Variants in DAB1 observed in about 807,000 individuals in gnomAD.
The protein encoded by DAB1 is disabled homolog 1.
A neutral mutation model predicts 64.6 loss-of-function variants in DAB1; 15 were observed. The observed-to-expected ratio is 0.23, with a 90% CI of 0.16 to 0.36. The LOEUF (loss-of-function observed/expected upper bound fraction) is 0.36, where lower values mean the gene tolerates loss of function less well. DAB1 is among the 10% of genes least tolerant of loss of function. The probability of loss-of-function intolerance (pLI) is 1.00; values close to 1 mark genes in which losing one functional copy is unlikely to be tolerated. For synonymous variants in DAB1, 235 were observed against 251.9 expected (o/e 0.93, Z 0.64); for missense variants, 596 against 706.7 (o/e 0.84, Z 1.78).
downstream of DAB1, among the ~76,000 whole-genome samples, chr1:57,822,328 A>G (rs1398644482): frequency 6.6e-6 from 1 of 152,158 alleles, no homozygotes; most frequent in Non-Finnish European, 1.5e-5. Context: ...GGGCAGGTAG[A>G]TAACTTTAAA....
intron 5 of DAB1, among the ~76,000 whole-genome samples, chr1:58,060,581 T>G (rs1200394650): frequency 6.6e-6 from 1 of 152,148 alleles, no homozygotes; most frequent in Non-Finnish European, 1.5e-5. Context: ...GAGATCTTTT[T>G]TTTACCTGAC....
chr1:58,171,583 A>G (rs954154377), intron 4 of DAB1, among the ~76,000 whole-genome samples: 16 of 152,328 alleles, frequency 1.1e-4, no homozygotes, highest in African/African-American at 3.6e-4. Context: ...AGGATGCCTT[A>G]TTCTGTATTC....
intron 5 of DAB1, among the ~76,000 whole-genome samples, chr1:57,914,705 A>T (rs1188206742): frequency 6.6e-6 from 1 of 152,244 alleles, no homozygotes; most frequent in East Asian, 1.9e-4. Flanking sequence ...GTTTATACTT[A>T]ATGAATGACT....
intron 4 of DAB1, among the ~76,000 whole-genome samples, chr1:58,201,251 C>A (rs1037519810): frequency 6.6e-6 from 1 of 152,086 alleles, no homozygotes; most frequent in Admixed American, 6.5e-5. Flanking sequence ...CTCCTGACCT[C>A]GTGATCTGCC....
At chr1:57,277,271 G>A (rs182772755) in intron 2 of DAB1, among the ~76,000 whole-genome samples, 4 of 152,120 alleles carry the variant, frequency 2.6e-5, no homozygotes, top group African/African-American at 9.6e-5. Flanking sequence ...TTCTAGCTGT[G>A]GGCAGGATAC....
intron 9 of DAB1, among the ~76,000 whole-genome samples, chr1:57,042,495 C>T (rs192315717): frequency 2.0e-5 from 3 of 152,188 alleles, no homozygotes; most frequent in African/African-American, 7.2e-5. Flanking sequence ...GATGACTACC[C>T]TTGGCATCAC....
intron 5 of DAB1, among the ~76,000 whole-genome samples, chr1:58,055,141 A>G (rs74076033): frequency 0.056 from 8,516 of 152,298 alleles, 796 homozygotes; most frequent in African/African-American, 0.2. Context: ...CATGTGGGAC[A>G]GCCAGGATTT....
At chr1:58,427,776 G>C (rs966506068) in intron 3 of DAB1, among the ~76,000 whole-genome samples, 40 of 152,056 alleles carry the variant, frequency 2.6e-4, no homozygotes, top group African/African-American at 9.7e-4. Context: ...TGTTAGATAG[G>C]GAGTTGGTCA....
At chr1:58,044,131 A>G (rs1260495044) in intron 5 of DAB1, among the ~76,000 whole-genome samples, 1 of 152,200 alleles carries the variant, frequency 6.6e-6, no homozygotes, top group African/African-American at 2.4e-5. Flanking sequence ...ACATTTCCTT[A>G]GCTTCCTTCT....
intron 2 of DAB1, among the ~76,000 whole-genome samples, chr1:57,168,096 T>A (rs982800981): frequency 2.0e-5 from 3 of 152,212 alleles, no homozygotes; most frequent in East Asian, 1.9e-4. Flanking sequence ...TAGATAATTA[T>A]ATGGTCTACT....
intron 2 of DAB1, among the ~76,000 whole-genome samples, chr1:57,243,467 T>C (rs1668641494): frequency 6.6e-6 from 1 of 150,986 alleles, no homozygotes; most frequent in Non-Finnish European, 1.5e-5. Context: ...TAGCTTCCAA[T>C]GAGATGCATG....
intron 3 of DAB1, among the ~76,000 whole-genome samples, chr1:58,361,414 G>A (rs1644165982): frequency 6.6e-6 from 1 of 152,222 alleles, no homozygotes; most frequent in African/African-American, 2.4e-5. Context: ...ATCATGCAAT[G>A]ACCCACATGT....
intron 1 of DAB1, among the ~76,000 whole-genome samples, chr1:57,335,525 C>T (rs1677013262): frequency 6.6e-6 from 1 of 152,108 alleles, no homozygotes; most frequent in Non-Finnish European, 1.5e-5. Flanking sequence ...ATAGGAAATA[C>T]AATAACAAAA....
chr1:57,277,035 C>A (rs1671520989), intron 2 of DAB1, among the ~76,000 whole-genome samples: 1 of 152,094 alleles, frequency 6.6e-6, no homozygotes, highest in Non-Finnish European at 1.5e-5. Context: ...CATCACTTAG[C>A]CCTTAACAAA....
intron 2 of DAB1, among the ~76,000 whole-genome samples, chr1:57,246,942 C>T (rs1570040131): frequency 6.6e-6 from 1 of 152,238 alleles, no homozygotes; most frequent in Non-Finnish European, 1.5e-5. Flanking sequence ...AACATTTACC[C>T]ACTGCCTGTA....
At chr1:57,727,712 GCTTCCTTCCTTCTCTC>G (rs1291814017) in intron 6 of DAB1, among the ~76,000 whole-genome samples, 1 of 62,326 alleles carries the variant, frequency 1.6e-5, no homozygotes, top group Non-Finnish European at 3.7e-5. Context: ...ACCCTCTTCT[GCTTCCTTCCTTCTCTC>G]CTTCCTTCCT....
chr1:57,978,129 C>T (rs1403353347), intron 5 of DAB1, among the ~76,000 whole-genome samples: 1 of 152,126 alleles, frequency 6.6e-6, no homozygotes, highest in African/African-American at 2.4e-5. Flanking sequence ...GCAGGAAGAA[C>T]AAAGCTGGAG....
intron 2 of DAB1, among the ~76,000 whole-genome samples, chr1:57,222,449 C>G (rs1262580436): frequency 1.3e-5 from 2 of 152,124 alleles, no homozygotes; most frequent in Non-Finnish European, 2.9e-5. Flanking sequence ...CTCAGCTGAG[C>G]TCAGGACTCC....
chr1:57,271,234 G>A (rs1012287863), intron 2 of DAB1, among the ~76,000 whole-genome samples: 4 of 152,168 alleles, frequency 2.6e-5, no homozygotes, highest in African/African-American at 9.7e-5. Flanking sequence ...TGGCTATTAA[G>A]TGGATAGCTG....
Sources: gnomAD v4.1 joint callset for allele counts (sites outside exome capture counted in the v4.1 genomes callset) on GRCh38, gnomAD v4.1.1 for gene constraint, MANE v1.5 for transcripts, NCBI Gene and HGNC (gene_info 2026-07-23, HGNC 2026-07-21) for gene names.